Variants in CSMD1 observed in about 807,000 individuals in gnomAD.
CSMD1 encodes CUB and sushi domain-containing protein 1.
In CSMD1, 213 loss-of-function variants were observed where a neutral mutation model predicts 417.5. The observed-to-expected ratio is 0.51, with a 90% CI of 0.46 to 0.57. The LOEUF (loss-of-function observed/expected upper bound fraction) is 0.57, where lower values mean the gene tolerates loss of function less well. CSMD1 is among the 20% of genes least tolerant of loss of function. CSMD1 has a pLI of 0.00. For synonymous variants in CSMD1, 2,862 were observed against 1,736.8 expected (o/e 1.65, Z -16.11); for missense variants, 6,923 against 4,529.7 (o/e 1.53, Z -15.17).
rs12056339 is a variant in CSMD1, at chr8:3,851,493, G to C, written c.819-97451C>G. Among the ~76,000 whole-genome samples, 148 of 152,248 alleles carry C rather than the reference G, an allele frequency of 9.7e-4. 1 individual carries two copies. In the East Asian group the frequency reaches 0.025, roughly 26 times the overall value. ...AAAAGTACAAAAAGAAAGACCTAGT[G>C]TCTTGAGACTTTTTGGCTCTGTTTG... On this transcript the variant is annotated intron_variant, in intron 5 of 69. Coordinates refer to ENST00000635120, the MANE Select transcript of CSMD1 (RefSeq NM_033225.6).
chr8:3,000,643 G>A (rs1057123463), intron 52 of CSMD1, among the ~76,000 whole-genome samples: 10 of 152,312 alleles, frequency 6.6e-5, no homozygotes, highest in Admixed American at 5.2e-4. Flanking sequence ...GAAAATCTGA[G>A]TTATGGGTGA....
At chr8:4,614,092 C>G (rs775292175) in intron 2 of CSMD1, among the ~76,000 whole-genome samples, 2 of 151,882 alleles carry the variant, frequency 1.3e-5, no homozygotes, top group Non-Finnish European at 2.9e-5. Flanking sequence ...TACTGGCAAG[C>G]CAATGTGAGA....
intron 16 of CSMD1, among the ~76,000 whole-genome samples, chr8:3,397,991 G>A (rs1444696177): frequency 1.3e-5 from 2 of 152,098 alleles, no homozygotes; most frequent in Admixed American, 6.5e-5. Flanking sequence ...GATCACACAT[G>A]TCTAAAAATA....
chr8:4,394,088 C>T (rs936550098), intron 3 of CSMD1, among the ~76,000 whole-genome samples: 1 of 152,142 alleles, frequency 6.6e-6, no homozygotes, highest in African/African-American at 2.4e-5. Flanking sequence ...CTCCTCAATC[C>T]TCTCAGAGCA....
At position 3,409,469 on chromosome 8, in the gene CSMD1, G is replaced by A. The variant is rs769415847; in HGVS notation, c.1698C>T (p.Thr566=). The change falls in exon 13 of 70, where the codon ACC becomes ACT. Residue 566 remains threonine, a synonymous_variant. Transcript: ENST00000635120. ...AFELVGERVI[T]CQQNNQWSGN... ...CAGACCACTGATTGTTCTGCTGACAGGTGATAACTCTCTCCCCCACCAGCT... is the reference window on the plus strand; with the variant it reads ...CAGACCACTGATTGTTCTGCTGACAAGTGATAACTCTCTCCCCCACCAGCT... 4 of 1,611,596 alleles carry A rather than the reference G, an allele frequency of 2.5e-6. No individual in the cohort carries two copies. Among genetic ancestry groups the A allele is most frequent in the Non-Finnish European group, 2.5e-6 (3 of 1,178,966 alleles).
chr8:4,132,026 A>T (rs554875486), intron 3 of CSMD1, among the ~76,000 whole-genome samples: 1 of 152,158 alleles, frequency 6.6e-6, no homozygotes, highest in South Asian at 2.1e-4. Context: ...TTTCTATCAG[A>T]ATCCCTTCTT....
intron 68 of CSMD1, among the ~76,000 whole-genome samples, chr8:2,944,199 G>A (rs926209190): frequency 1.3e-5 from 2 of 152,200 alleles, no homozygotes; most frequent in African/African-American, 2.4e-5. Context: ...GGTTATGGAC[G>A]TGCAGCGAGT....
chr8:4,865,104 A>T (rs1193109012), intron 1 of CSMD1, among the ~76,000 whole-genome samples: 2 of 151,746 alleles, frequency 1.3e-5, no homozygotes, highest in African/African-American at 2.4e-5. Flanking sequence ...TGGATGAATT[A>T]TGTAATAGTG....
At chr8:4,285,562 G>C (rs1296469566) in intron 3 of CSMD1, among the ~76,000 whole-genome samples, 1 of 152,186 alleles carries the variant, frequency 6.6e-6, no homozygotes, top group African/African-American at 2.4e-5. Context: ...ATGAGGGCAG[G>C]TTTCGCTAAT....
intron 5 of CSMD1, among the ~76,000 whole-genome samples, chr8:3,819,561 C>CACACACACACTT (rs3219854): frequency 0.026 from 3,855 of 149,852 alleles, 67 homozygotes; most frequent in African/African-American, 0.044. Flanking sequence ...CACACACACA[C>CACACACACACTT]GTATGTATAT....
At chr8:3,610,982 C>A (rs1176439883) in intron 8 of CSMD1, among the ~76,000 whole-genome samples, 1 of 149,748 alleles carries the variant, frequency 6.7e-6, no homozygotes, top group Non-Finnish European at 1.5e-5. Context: ...GGTGCAGTGT[C>A]ACTTAAACCA....
At chr8:4,702,305 G>A (rs754631623) in intron 1 of CSMD1, among the ~76,000 whole-genome samples, 5 of 152,156 alleles carry the variant, frequency 3.3e-5, no homozygotes, top group African/African-American at 1.2e-4. Context: ...TCTGAGACCT[G>A]CATGGCCATG....
In CSMD1 at chr8:3,998,165, C is replaced by G. The variant is rs906974940; in HGVS notation, c.611-55G>C. Reference sequence around the variant, plus strand: ...CACATTTCAGGATGGTTTTCATACACGAGTGTGTCCACCAAGTGTCACTCT... The same window carrying G: ...CACATTTCAGGATGGTTTTCATACAGGAGTGTGTCCACCAAGTGTCACTCT... On this transcript the variant is annotated intron_variant, in intron 4 of 69. Coordinates refer to ENST00000635120, the MANE Select transcript of CSMD1 (RefSeq NM_033225.6). The G allele has an allele frequency of 4.1e-6, 6 of 1,448,588 alleles. No homozygotes were observed. In the African/African-American group the frequency reaches 7.0e-5, roughly 17 times the overall value. 89.7% of individuals were successfully genotyped at this position (1,448,588 alleles called of 1,614,324 possible). A position where few individuals can be genotyped will look rare whatever the true frequency, so the allele number is the denominator to read the frequency against.
At chr8:3,732,205 ACT>A (rs1796309392) in intron 6 of CSMD1, among the ~76,000 whole-genome samples, 1 of 151,844 alleles carries the variant, frequency 6.6e-6, no homozygotes, top group South Asian at 2.1e-4. Context: ...TTCCGAGAGG[ACT>A]CTATCAATTT....
intron 25 of CSMD1, among the ~76,000 whole-genome samples, chr8:3,303,292 A>C (rs1246518063): frequency 6.6e-6 from 1 of 152,148 alleles, no homozygotes; most frequent in Non-Finnish European, 1.5e-5. Flanking sequence ...GGGATCTGGA[A>C]GGTTGATCAG....
chr8:3,387,758 C>A, intron 17 of CSMD1, 76 bp from the exon 18 acceptor site: 1 of 1,175,750 alleles, frequency 8.5e-7, no homozygotes, highest in Non-Finnish European at 1.2e-6. Context: ...ACGCCATCAA[C>A]TACGAAATAG....
intron 49 of CSMD1, among the ~76,000 whole-genome samples, chr8:3,075,101 A>G (rs1236694818): frequency 6.6e-6 from 1 of 152,086 alleles, no homozygotes; most frequent in Non-Finnish European, 1.5e-5. Context: ...TACTTTTGCT[A>G]GGCGATGTGC....
chr8:4,377,880 T>C (rs755136559), intron 3 of CSMD1, among the ~76,000 whole-genome samples: 1 of 152,200 alleles, frequency 6.6e-6, no homozygotes, highest in Non-Finnish European at 1.5e-5. Context: ...CCGAAATGAA[T>C]TGAATTAGTA....
At chr8:3,226,055 C>A (rs139901894) in intron 27 of CSMD1, among the ~76,000 whole-genome samples, 25 of 152,148 alleles carry the variant, frequency 1.6e-4, no homozygotes, top group African/African-American at 5.8e-4. Flanking sequence ...TGGTCTTTAA[C>A]GAGACCCATC....
Sources: gnomAD v4.1 joint callset for allele counts (sites outside exome capture counted in the v4.1 genomes callset) on GRCh38, gnomAD v4.1.1 for gene constraint, MANE v1.5 for transcripts, NCBI Gene and HGNC (gene_info 2026-07-23, HGNC 2026-07-21) for gene names.